The following DBF4B variants were observed in gnomAD, a reference collection of about 807,000 sequenced individuals.
DBF4B encodes protein DBF4 homolog B.
Under a neutral mutation model 53.4 loss-of-function variants are expected in DBF4B, and 49 were observed. That is an observed-to-expected ratio of 0.92 (90% CI 0.73 to 1.16). DBF4B has a LOEUF of 1.16. Among genes scored for constraint, DBF4B ranks in the 50% most tolerant of loss-of-function variants. The probability of loss-of-function intolerance (pLI) is 0.00; values close to 1 mark genes in which losing one functional copy is unlikely to be tolerated. For synonymous variants in DBF4B, 257 were observed against 288.7 expected (o/e 0.89, Z 1.11); for missense variants, 692 against 775.0 (o/e 0.89, Z 1.27).
At chr17:44,724,451 C>T (rs1411654093) in intron 3 of DBF4B, among the ~76,000 whole-genome samples, 1 of 152,140 alleles carries the variant, frequency 6.6e-6, no homozygotes, top group African/African-American at 2.4e-5. Context: ...CATCTCAGCT[C>T]ACTGAAAGCT....
chr17:44,750,456 C>T, intron 13 of DBF4B, 139 bp from the exon 14 acceptor site: 2 of 1,449,472 alleles, frequency 1.4e-6, no homozygotes, highest in South Asian at 2.9e-5. Context: ...GTACAGCCCA[C>T]CTTAGAGGTC....
chr17:44,714,573 G>T (rs1017024369), intron 2 of DBF4B, among the ~76,000 whole-genome samples: 3 of 151,592 alleles, frequency 2.0e-5, no homozygotes, highest in Admixed American at 2.0e-4. Flanking sequence ...ATTTCTCTGT[G>T]CCTCAGTTTC....
intron 2 of DBF4B, among the ~76,000 whole-genome samples, chr17:44,714,141 A>G (rs1973133793): frequency 6.6e-6 from 1 of 152,126 alleles, no homozygotes; most frequent in African/African-American, 2.4e-5. Context: ...AAAGACATGC[A>G]AAGTCATATA....
chr17:44,733,423 A>G (rs17682628), intron 6 of DBF4B, among the ~76,000 whole-genome samples: 8,026 of 152,260 alleles, frequency 0.053, 276 homozygotes, highest in Non-Finnish European at 0.075. Flanking sequence ...TTACACTAGA[A>G]TAGTTGTCTT....
chr17:44,737,854 T>G (rs1434952074), intron 8 of DBF4B, among the ~76,000 whole-genome samples: 1 of 152,194 alleles, frequency 6.6e-6, no homozygotes, highest in African/African-American at 2.4e-5. Flanking sequence ...TCTTTATCCC[T>G]CTTCCTCTCT....
In DBF4B at chr17:44,752,225, T is replaced by A; in HGVS notation, c.*972T>A. ...TAAGTAAGGGGCTTGGATGAGATGA[T>A]TTCAGGACCCTTTCCAATAATAAAA... is the stretch of plus-strand genomic sequence containing the variant. On this transcript the variant is annotated 3_prime_UTR_variant, in exon 14 of 14. Coordinates refer to ENST00000315005, the MANE Select transcript of DBF4B (RefSeq NM_145663.3). 3.9e-6 allele frequency: 2 copies of A among 513,360 alleles called. No individual in the cohort carries two copies. The highest frequency in any genetic ancestry group is 7.1e-6 in the Non-Finnish European group (2 of 283,530). The allele number at this position is 513,360 out of a possible 1,614,324, so 31.8% of individuals were successfully genotyped here. A position where few individuals can be genotyped will look rare whatever the true frequency, so the allele number is the denominator to read the frequency against.
At chr17:44,742,183 C>G (rs1056198467) in intron 10 of DBF4B, among the ~76,000 whole-genome samples, 1 of 151,956 alleles carries the variant, frequency 6.6e-6, no homozygotes, top group East Asian at 1.9e-4. Flanking sequence ...GGGCGGATCA[C>G]TTCAGGTCAG....
Position 44,708,837 on chromosome 17 carries a change from A to T in DBF4B, c.17A>T (p.Lys6Met). The change falls in exon 1 of 14, where the codon AAG (lysine) becomes ATG (methionine). Residue 6 changes from lysine to methionine, a missense_variant and splice_region_variant. By Grantham distance (95) the Lys-to-Met change is moderately conservative. Around this residue, in one of 3 missense-constraint regions of DBF4B, gnomAD observed 66 missense variants for 51.3 expected, o/e 1.29. Coordinates refer to ENST00000315005, the MANE Select transcript of DBF4B (RefSeq NM_145663.3). The stretch of plus-strand genomic sequence containing the variant: ...CGGCATTTGATGAGCGAACCGGGAA[A>T]GGGTACGGATGCCGGGAAGGGGAGA... MSEPG[K>M]GDDCLELESS... is the part of the protein sequence containing the mutation. 1 of 1,551,536 alleles carries T rather than the reference A, an allele frequency of 6.4e-7. No individual in the cohort carries two copies. The highest frequency in any genetic ancestry group is 8.7e-7 in the Non-Finnish European group (1 of 1,146,954).
intron 8 of DBF4B, among the ~76,000 whole-genome samples, chr17:44,737,989 G>A (rs1975623834): frequency 6.6e-6 from 1 of 152,210 alleles, no homozygotes; most frequent in Non-Finnish European, 1.5e-5. Context: ...TTGTGGGAAT[G>A]ACCACCCCCA....
At position 44,731,034 on chromosome 17, in the gene DBF4B, G is replaced by A. The variant is rs892331751; in HGVS notation, c.468+19G>A. On this transcript the variant is annotated intron_variant, in intron 5 of 13. Coordinates refer to ENST00000315005, the MANE Select transcript of DBF4B (RefSeq NM_145663.3). Reference sequence around the variant, plus strand: ...AAACCAGGTGAGCTGGGGCAAGATGGGACAGAGCCGGTGGTCTCCAGCATA... The same window carrying A: ...AAACCAGGTGAGCTGGGGCAAGATGAGACAGAGCCGGTGGTCTCCAGCATA... The A allele has an allele frequency of 6.2e-7, 1 of 1,613,880 alleles. No homozygotes were observed. The highest frequency in any genetic ancestry group is 1.3e-5 in the African/African-American group (1 of 75,026).
At position 44,732,305 on chromosome 17, in the gene DBF4B, G is replaced by A. The variant is rs762086340; in HGVS notation, c.556+40G>A. 13 of 1,606,306 alleles carry A rather than the reference G, an allele frequency of 8.1e-6. No individual in the cohort carries two copies. The South Asian group carries it at 1.4e-4, about 18-fold the overall frequency. On this transcript the variant is annotated intron_variant, in intron 6 of 13. Transcript: ENST00000315005. The stretch of plus-strand genomic sequence containing the variant: ...CTGGGCTCCTGTGGAGGGAGAATTG[G>A]TGACTTTGACCAGGAGTGTCAGCTT...
chr17:44,713,034 C>CTTTTTTT (rs979925867), intron 2 of DBF4B, among the ~76,000 whole-genome samples: 3 of 103,900 alleles, frequency 2.9e-5, no homozygotes, highest in East Asian at 2.6e-4. Flanking sequence ...TTTGTATTGA[C>CTTTTTTT]TTTTTTTTTT....
chr17:44,727,367 C>A (rs1422673104), intron 3 of DBF4B, among the ~76,000 whole-genome samples: 1 of 151,636 alleles, frequency 6.6e-6, no homozygotes, highest in Non-Finnish European at 1.5e-5. Flanking sequence ...TCTAGTGAGC[C>A]AAAATTGTGC....
At chr17:44,735,488 A>G (rs544827789) in intron 7 of DBF4B, among the ~76,000 whole-genome samples, 1 of 152,146 alleles carries the variant, frequency 6.6e-6, no homozygotes, top group Admixed American at 6.5e-5. Context: ...GTTGGCCAAC[A>G]TGGTGAAACC....
chr17:44,717,686 G>C (rs559369164), intron 2 of DBF4B, among the ~76,000 whole-genome samples: 1 of 141,152 alleles, frequency 7.1e-6, no homozygotes, highest in African/African-American at 2.7e-5. Flanking sequence ...TCTAGCCTGG[G>C]TACAAAGCAA....
chr17:44,736,650 G>A (rs16970963), intron 7 of DBF4B, among the ~76,000 whole-genome samples, 180 bp from the exon 8 acceptor site: 5,193 of 152,160 alleles, frequency 0.034, 288 homozygotes, highest in African/African-American at 0.12. Flanking sequence ...TCGTGTTGCC[G>A]AAGAGGGAGC....
intron 2 of DBF4B, among the ~76,000 whole-genome samples, chr17:44,717,032 G>A (rs1376108972): frequency 6.6e-6 from 1 of 152,096 alleles, no homozygotes; most frequent in African/African-American, 2.4e-5. Flanking sequence ...TTTGGAGAGA[G>A]AACAGAAGTT....
intron 11 of DBF4B, 38 bp downstream of exon 11, chr17:44,747,229 G>A: frequency 6.2e-7 from 1 of 1,609,156 alleles, no homozygotes; most frequent in Non-Finnish European, 8.5e-7. Context: ...CTCCCAGAGT[G>A]CCCTGAGGGA....
chr17:44,716,755 A>T (rs930948257), intron 2 of DBF4B, among the ~76,000 whole-genome samples: 1 of 152,084 alleles, frequency 6.6e-6, no homozygotes, highest in Non-Finnish European at 1.5e-5. Flanking sequence ...CTGAGAGTCT[A>T]TTCCTTTTAA....
Sources: gnomAD v4.1 joint callset for allele counts (sites outside exome capture counted in the v4.1 genomes callset) on GRCh38, gnomAD v4.1.1 for gene constraint, gnomAD v4.1.1 regional missense constraint, MANE v1.5 for transcripts, NCBI Gene and HGNC (gene_info 2026-07-23, HGNC 2026-07-21) for gene names.